The following DSE variants were observed in gnomAD, a reference collection of about 807,000 sequenced individuals.
DSE encodes dermatan-sulfate epimerase.
Under a neutral mutation model 84.4 loss-of-function variants are expected in DSE, and 36 were observed. The observed-to-expected ratio is 0.43, with a 90% CI of 0.33 to 0.56. The LOEUF is 0.56. DSE is among the 20% of genes least tolerant of loss of function. DSE has a pLI of 0.06. For missense variants in DSE, 862 were observed against 1,169.6 expected (o/e 0.74, Z 3.84); for synonymous variants, 410 against 430.1 (o/e 0.95, Z 0.58).
chr6:116,299,568 A>G (rs1207903966), intron 2 of DSE, among the ~76,000 whole-genome samples: 1 of 141,394 alleles, frequency 7.1e-6, no homozygotes, highest in Non-Finnish European at 1.5e-5. Context: ...ACACACACAC[A>G]CACACATACA....
At chr6:116,350,067 G>T (rs554838763) in intron 2 of DSE, among the ~76,000 whole-genome samples, 5 of 152,204 alleles carry the variant, frequency 3.3e-5, no homozygotes, top group Admixed American at 3.3e-4. Flanking sequence ...CCCTTTTATA[G>T]TGTTTAGGAA....
At chr6:116,399,752 C>A in intron 2 of DSE, 86 bp downstream of exon 2, 1 of 1,313,686 alleles carries the variant, frequency 7.6e-7, no homozygotes, top group Non-Finnish European at 1.1e-6. Flanking sequence ...GCCAGATCTT[C>A]ATGTACCTCT....
chr6:116,440,552 C>G lies in DSE; in HGVS notation c.*3207C>G, dbSNP rs574569993. The G allele has an allele frequency of 6.6e-6, 1 of 152,156 alleles. No individual in the cohort carries two copies. Among genetic ancestry groups the G allele is most frequent in the Non-Finnish European group, 1.5e-5 (1 of 68,036 alleles). 9.4% of individuals were successfully genotyped at this position (152,156 alleles called of 1,614,324 possible). On this transcript the variant is annotated 3_prime_UTR_variant, in exon 6 of 6. Transcript: ENST00000644252. ...TTAAGAGAAAGCAAGCTATGAAATGCTATATTTGTAGGCTTAAAAGTAAAT... is the reference window on the plus strand; with the variant it reads ...TTAAGAGAAAGCAAGCTATGAAATGGTATATTTGTAGGCTTAAAAGTAAAT...
At chr6:116,292,169 A>G (rs906635531) in intron 2 of DSE, among the ~76,000 whole-genome samples, 2 of 152,170 alleles carry the variant, frequency 1.3e-5, no homozygotes, top group African/African-American at 4.8e-5. Flanking sequence ...AAGTAGAGGA[A>G]GAAGAAAGGA....
At chr6:116,341,391 G>A (rs1316582148) in intron 2 of DSE, among the ~76,000 whole-genome samples, 1 of 152,130 alleles carries the variant, frequency 6.6e-6, no homozygotes, top group Non-Finnish European at 1.5e-5. Context: ...CTTGTCAGAT[G>A]GGTAGATTGC....
At chr6:116,352,261 C>T (rs975054689) in intron 2 of DSE, among the ~76,000 whole-genome samples, 4 of 152,210 alleles carry the variant, frequency 2.6e-5, no homozygotes, top group Non-Finnish European at 5.9e-5. Flanking sequence ...TCTATCTACT[C>T]ATGGCCTCCT....
chr6:116,302,324 C>T (rs977179106), intron 2 of DSE, among the ~76,000 whole-genome samples: 4 of 152,182 alleles, frequency 2.6e-5, no homozygotes, highest in Admixed American at 1.3e-4. Context: ...TAATGATCGC[C>T]ATTCTAGCTG....
At chr6:116,405,172 G>A (rs1781841870) in intron 2 of DSE, among the ~76,000 whole-genome samples, 2 of 152,166 alleles carry the variant, frequency 1.3e-5, no homozygotes, top group South Asian at 2.1e-4. Context: ...AAAATGAGGA[G>A]TGTGCCTGCC....
intron 2 of DSE, among the ~76,000 whole-genome samples, chr6:116,348,676 G>A (rs546844422): frequency 3.3e-5 from 5 of 152,100 alleles, no homozygotes; most frequent in South Asian, 2.1e-4. Flanking sequence ...ACATGCACAC[G>A]TATGTTTATT....
chr6:116,435,588 T>A lies in DSE; in HGVS notation c.1120T>A (p.Tyr374Asn). 1 of 1,568,026 alleles carries A rather than the reference T, an allele frequency of 6.4e-7. No homozygotes were observed. The highest frequency in any genetic ancestry group is 8.6e-7 in the Non-Finnish European group (1 of 1,158,344). The change falls in exon 6 of 6, where the codon TAT becomes AAT. Residue 374 changes from tyrosine to asparagine, a missense_variant and splice_region_variant. This residue lies in a region of DSE where 309 missense variants were observed against 516.9 expected (regional missense o/e 0.60). Transcript: ENST00000644252. ...WCTLHTEFLW[Y>N]DGSLKSVPPP... ...TTAATTTTTCAAAATTAATTTCAGG[T>A]ATGATGGCAGCTTGAAATCGGTTCC...
At chr6:116,432,215 A>G (rs1783884925) in intron 4 of DSE, among the ~76,000 whole-genome samples, 1 of 152,230 alleles carries the variant, frequency 6.6e-6, no homozygotes, top group South Asian at 2.1e-4. Flanking sequence ...AGTGCTTTGT[A>G]ATTTAAGCTG....
chr6:116,414,350 A>G (rs1179035136), intron 2 of DSE, among the ~76,000 whole-genome samples: 2 of 152,192 alleles, frequency 1.3e-5, no homozygotes, highest in Non-Finnish European at 2.9e-5. Flanking sequence ...TTATTTCATT[A>G]CAATATAGAT....
At chr6:116,343,188 TA>T (rs2114825962) in intron 2 of DSE, among the ~76,000 whole-genome samples, 1 of 152,302 alleles carries the variant, frequency 6.6e-6, no homozygotes, top group South Asian at 2.1e-4. Context: ...CAAGGAGGCC[TA>T]CCTGCCTCTG....
At chr6:116,384,462 G>C (rs1401762671) in intron 1 of DSE, among the ~76,000 whole-genome samples, 1 of 152,192 alleles carries the variant, frequency 6.6e-6, no homozygotes, top group Non-Finnish European at 1.5e-5. Context: ...AGACCTAGCA[G>C]CCTGAGGTGG....
At chr6:116,352,328 AT>A (rs1778353662) in intron 2 of DSE, among the ~76,000 whole-genome samples, 1 of 152,190 alleles carries the variant, frequency 6.6e-6, no homozygotes, top group Non-Finnish European at 1.5e-5. Flanking sequence ...CCAAGAATCA[AT>A]TCAACTAAAA....
intron 2 of DSE, among the ~76,000 whole-genome samples, chr6:116,276,007 G>T (rs531254329): frequency 1.1e-4 from 17 of 152,258 alleles, no homozygotes; most frequent in African/African-American, 3.4e-4. Flanking sequence ...GAAGGGAATG[G>T]ACTTTATCTT....
At chr6:116,319,741 A>C (rs1776193644) in intron 2 of DSE, among the ~76,000 whole-genome samples, 1 of 152,120 alleles carries the variant, frequency 6.6e-6, no homozygotes, top group African/African-American at 2.4e-5. Flanking sequence ...TCTGACACTC[A>C]CCTTCAAAAC....
chr6:116,313,436 G>C (rs1389649656), intron 2 of DSE, among the ~76,000 whole-genome samples: 1 of 152,188 alleles, frequency 6.6e-6, no homozygotes, highest in East Asian at 1.9e-4. Context: ...CACTTGCTTT[G>C]TAACTGGGTT....
chr6:116,348,795 A>G (rs1735961115), intron 2 of DSE, among the ~76,000 whole-genome samples: 2 of 152,252 alleles, frequency 1.3e-5, no homozygotes, highest in Non-Finnish European at 1.5e-5. Context: ...CTATGCAGCC[A>G]TAAAAAAGGA....
Sources: allele counts gnomAD v4.1 joint callset (sites outside exome capture counted in the v4.1 genomes callset), GRCh38; gene constraint gnomAD v4.1.1; regional missense constraint gnomAD v4.1.1; transcripts MANE v1.5; gene names NCBI Gene and HGNC (gene_info 2026-07-23, HGNC 2026-07-21).